Variants in RC3H2 observed in about 807,000 individuals in gnomAD.
RC3H2 encodes the protein ring finger and CCCH-type domains 2, also known as roquin-2.
Under a neutral mutation model 133.3 loss-of-function variants are expected in RC3H2, and 31 were observed. The ratio of observed to expected loss-of-function variants is 0.23; its 90% CI spans 0.17 to 0.31. The LOEUF (loss-of-function observed/expected upper bound fraction) is 0.31. RC3H2 is among the 10% of genes least tolerant of loss of function. The pLI is 1.00. For missense variants in RC3H2, 1,175 were observed against 1,437.2 expected (o/e 0.82, Z 2.95); for synonymous variants, 517 against 502.2 (o/e 1.03, Z -0.40).
rs1829942813 is a variant in RC3H2, at chr9:122,849,600, T to G, written c.*27A>C. ...TAGTGTAAATGCTTCCATGGTGTGG[T>G]CACAAATTTGAAAGATGAACCTCCT... On this transcript the variant is annotated 3_prime_UTR_variant, in exon 21 of 21. Coordinates refer to ENST00000357244, the MANE Select transcript of RC3H2 (RefSeq NM_001100588.3). 3 of 1,510,618 alleles carry G rather than the reference T, an allele frequency of 2.0e-6. No homozygotes were observed. In the South Asian group the frequency reaches 3.4e-5, roughly 17 times the overall value. The allele number at this position is 1,510,618 out of a possible 1,614,324, so 93.6% of individuals were successfully genotyped here. A position where few individuals can be genotyped will look rare whatever the true frequency, so the allele number is the denominator to read the frequency against.
intron 10 of RC3H2, among the ~76,000 whole-genome samples, chr9:122,861,897 A>G (rs780174550): frequency 1.3e-5 from 2 of 152,236 alleles, no homozygotes; most frequent in Admixed American, 6.5e-5. Context: ...GAGTATAAAG[A>G]TATTTTAGGA....
chr9:122,892,878 T>C (rs1832246414), intron 3 of RC3H2, 31 bp downstream of exon 3: 3 of 1,544,184 alleles, frequency 1.9e-6, no homozygotes, highest in African/African-American at 2.7e-5. Context: ...CAAGTCCTAC[T>C]TATCAGTAAA....
chr9:122,895,269 C>T (rs1319356182), intron 2 of RC3H2, among the ~76,000 whole-genome samples: 1 of 151,836 alleles, frequency 6.6e-6, no homozygotes, highest in East Asian at 1.9e-4. Flanking sequence ...AAGTGAACCT[C>T]CCATCTCACC....
chr9:122,881,559 G>C (rs1831634216), intron 5 of RC3H2, among the ~76,000 whole-genome samples: 1 of 152,106 alleles, frequency 6.6e-6, no homozygotes, highest in Non-Finnish European at 1.5e-5. Context: ...AGAGCACATA[G>C]GGTTAAGATA....
intron 18 of RC3H2, among the ~76,000 whole-genome samples, chr9:122,851,820 G>C (rs1389957456): frequency 6.6e-6 from 1 of 152,250 alleles, no homozygotes; most frequent in African/African-American, 2.4e-5. Flanking sequence ...CCAGGCTGGA[G>C]TGCAGTGGCG....
In RC3H2 at chr9:122,855,774, T is replaced by C; in HGVS notation, c.2559A>G (p.Ser853=). 5.6e-6 allele frequency: 9 copies of C among 1,613,242 alleles called. No individual in the cohort carries two copies. The highest frequency in any genetic ancestry group is 5.9e-6 in the Non-Finnish European group (7 of 1,179,476). Residue 853 remains serine (S), a synonymous_variant, in exon 14 of 21, where the codon TCA becomes TCG. Coordinates refer to ENST00000357244, the MANE Select transcript of RC3H2 (RefSeq NM_001100588.3). ...TIGSCINAID[S]EPKDVIANSN... ...AATTAGCAATGACATCTTTGGGCTC[T>C]GAATCAATGGCATTTATACAGGAGC...
chr9:122,884,320 A>C (rs2131470168), intron 4 of RC3H2, among the ~76,000 whole-genome samples: 1 of 152,018 alleles, frequency 6.6e-6, no homozygotes, highest in East Asian at 1.9e-4. Context: ...ACACAGAACT[A>C]CTCTGACAAT....
intron 9 of RC3H2, among the ~76,000 whole-genome samples, chr9:122,865,901 AT>A (rs11294543): frequency 0.98 from 148,363 of 152,048 alleles, 72,500 homozygotes; most frequent in East Asian, 1. Flanking sequence ...GTTTATATGT[AT>A]TTTTTTTTCC....
chr9:122,870,330 G>A (rs985699904), intron 9 of RC3H2, among the ~76,000 whole-genome samples: 3 of 151,430 alleles, frequency 2.0e-5, no homozygotes, highest in Non-Finnish European at 2.9e-5. Context: ...AGCCGAGATT[G>A]TGCCACTGTA....
At position 122,905,120 on chromosome 9, in the gene RC3H2, C is replaced by T; in HGVS notation, c.-78G>A. On this transcript the variant is annotated 5_prime_UTR_variant, in exon 1 of 21. Transcript: ENST00000357244. ...CCGCCCCCGCCCTACCTGAGGGGGCCCGGGCGGGGTCGCTAAGGGCCGCTC... is the reference window on the plus strand; with the variant it reads ...CCGCCCCCGCCCTACCTGAGGGGGCTCGGGCGGGGTCGCTAAGGGCCGCTC... 1 of 985,398 alleles carries T rather than the reference C, an allele frequency of 1.0e-6. No homozygotes were observed. Among genetic ancestry groups the T allele is most frequent in the Non-Finnish European group, 1.2e-6 (1 of 829,914 alleles). 61.0% of individuals were successfully genotyped at this position (985,398 alleles called of 1,614,324 possible). A position where few individuals can be genotyped will look rare whatever the true frequency, so the allele number is the denominator to read the frequency against.
chr9:122,869,750 A>C (rs1830981612), intron 9 of RC3H2, among the ~76,000 whole-genome samples: 1 of 151,924 alleles, frequency 6.6e-6, no homozygotes, highest in Admixed American at 6.6e-5. Flanking sequence ...TTGTATTTTT[A>C]GTAGAGATGG....
intron 9 of RC3H2, among the ~76,000 whole-genome samples, chr9:122,876,818 TAGG>T (rs1323973050): frequency 1.3e-5 from 2 of 151,778 alleles, no homozygotes; most frequent in Non-Finnish European, 2.9e-5. Flanking sequence ...GGGTTAACCA[TAGG>T]AGAAGAGAAA....
Position 122,899,240 on chromosome 9 carries a change from C to A in RC3H2, c.-67-1664G>T, listed in dbSNP as rs377061075. Reference sequence around the variant, plus strand: ...GCCTTGGCCTCCCAAGTAACTGGGACGGCACCCACCATCATGCCTGGCTAA... The same window carrying A: ...GCCTTGGCCTCCCAAGTAACTGGGAAGGCACCCACCATCATGCCTGGCTAA... On this transcript the variant is annotated intron_variant, in intron 1 of 20. Transcript: ENST00000357244. 3.3e-5 allele frequency among the ~76,000 whole-genome samples: 5 copies of A among 151,612 alleles called. No individual in the cohort carries two copies. In the East Asian group the frequency reaches 5.8e-4, roughly 18 times the overall value.
At chr9:122,893,169 A>G (rs571542116) in intron 2 of RC3H2, 143 bp from the exon 3 acceptor site, 1 of 1,210,796 alleles carries the variant, frequency 8.3e-7, no homozygotes, top group African/African-American at 1.5e-5. Context: ...GTAAAATTAA[A>G]GTCAAACACC....
rs990183974 is a variant in RC3H2, at chr9:122,847,450, A to C, written c.*2177T>G. ...TTAAAATCTTAAAAAAAAATACATT[A>C]CCTTCAACATGGAAGATCTCACTAT... On this transcript the variant is annotated 3_prime_UTR_variant, in exon 21 of 21. Coordinates refer to ENST00000357244, the MANE Select transcript of RC3H2 (RefSeq NM_001100588.3). The C allele has an allele frequency of 1.2e-4, 19 of 152,070 alleles. No individual in the cohort carries two copies. 9.4% of individuals were successfully genotyped at this position (152,070 alleles called of 1,614,324 possible). A position where few individuals can be genotyped will look rare whatever the true frequency, so the allele number is the denominator to read the frequency against.
intron 8 of RC3H2, among the ~76,000 whole-genome samples, chr9:122,877,794 G>T (rs1337066297): frequency 6.6e-6 from 1 of 152,140 alleles, no homozygotes; most frequent in African/African-American, 2.4e-5. Context: ...TCCTTCTGAA[G>T]ATTATTCGAA....
intron 9 of RC3H2, among the ~76,000 whole-genome samples, chr9:122,875,637 G>A (rs1831301694): frequency 2.0e-5 from 3 of 152,190 alleles, no homozygotes; most frequent in Non-Finnish European, 4.4e-5. Flanking sequence ...AGAGGAAGCT[G>A]GTTAGTATGA....
At position 122,865,364 on chromosome 9, in the gene RC3H2, T is replaced by C; in HGVS notation, c.1619A>G (p.Asp540Gly). The change falls in exon 10 of 21, where the codon GAT becomes GGT. Residue 540 changes from aspartate (D) to glycine (G), a missense_variant. By Grantham distance (94) the Asp-to-Gly change is moderately conservative (BLOSUM62 -1). Transcript: ENST00000357244. Reference sequence around the variant, plus strand: ...TAATACCTACTTTTCAGTTACAGAATCTGCAGAGGGCCCAGCAGCATTCTG... The same window carrying C: ...TAATACCTACTTTTCAGTTACAGAACCTGCAGAGGGCCCAGCAGCATTCTG... ...NGQNAAGPSA[D>G]SVTENKIGSP... is the part of the protein sequence containing the mutation. 1 of 1,602,146 alleles carries C rather than the reference T, an allele frequency of 6.2e-7. No homozygotes were observed. The highest frequency in any genetic ancestry group is 8.5e-7 in the Non-Finnish European group (1 of 1,171,184).
At position 122,868,879 on chromosome 9, in the gene RC3H2, G is replaced by A. The variant is rs991070957; in HGVS notation, c.1326-3222C>T. ...TGTGTGTGTGTGTGTGTGTGTGTGT[G>A]TGTGTGTGTGTATGTGTTTTTTTTT... On this transcript the variant is annotated intron_variant, in intron 9 of 20. Coordinates refer to ENST00000357244, the MANE Select transcript of RC3H2 (RefSeq NM_001100588.3). Among the ~76,000 whole-genome samples the A allele has an allele frequency of 4.0e-3, 59 of 14,688 alleles. 3 individuals carry two copies. In the South Asian group the frequency reaches 0.07, roughly 18 times the overall value. 9.6% of individuals were successfully genotyped at this position (14,688 alleles called of 152,430 possible). A position where few individuals can be genotyped will look rare whatever the true frequency, so the allele number is the denominator to read the frequency against.
Sources: gnomAD v4.1 joint callset for allele counts (sites outside exome capture counted in the v4.1 genomes callset) on GRCh38, gnomAD v4.1.1 for gene constraint, MANE v1.5 for transcripts, NCBI Gene and HGNC (gene_info 2026-07-23, HGNC 2026-07-21) for gene names.